Variants in ZBBX observed in about 807,000 individuals in gnomAD.
ZBBX encodes zinc finger B-box domain-containing protein 1.
A neutral mutation model predicts 108.5 loss-of-function variants in ZBBX; 101 were observed. The ratio of observed to expected loss-of-function variants is 0.93; its 90% CI spans 0.79 to 1.10. The LOEUF (loss-of-function observed/expected upper bound fraction) is 1.10. Ranked by LOEUF, ZBBX falls within the 50% of genes least tolerant of loss-of-function variation. The pLI is 0.00. For missense variants in ZBBX, 1,009 were observed against 941.4 expected, an observed-to-expected ratio of 1.07 and a Z score of -0.94; for synonymous variants, 356 against 323.4, an observed-to-expected ratio of 1.10 and a Z score of -1.08.
intron 8 of ZBBX, among the ~76,000 whole-genome samples, chr3:167,351,820 A>T (rs921436085): frequency 1.3e-5 from 2 of 152,142 alleles, no homozygotes; most frequent in African/African-American, 4.8e-5. Flanking sequence ...GGGTGTTCTC[A>T]TGCTCTGCCA....
chr3:167,394,608 T>C (rs988581778), intron 1 of ZBBX, among the ~76,000 whole-genome samples: 25 of 151,928 alleles, frequency 1.6e-4, no homozygotes, highest in African/African-American at 6.0e-4. Flanking sequence ...TTCCAAATCC[T>C]CTGAGACAAA....
intron 20 of ZBBX, among the ~76,000 whole-genome samples, chr3:167,262,933 G>A (rs1302134104): frequency 7.3e-5 from 11 of 150,038 alleles, no homozygotes; most frequent in Admixed American, 5.3e-4. Flanking sequence ...TTGATCTTTT[G>A]TGTTGTTTTC....
At chr3:167,319,460 C>G (rs1273257850) in intron 12 of ZBBX, among the ~76,000 whole-genome samples, 1 of 151,962 alleles carries the variant, frequency 6.6e-6, no homozygotes, top group Non-Finnish European at 1.5e-5. Context: ...TGACTTTATG[C>G]ATTGCTAAAA....
At chr3:167,263,254 G>A (rs1386904347) in intron 20 of ZBBX, among the ~76,000 whole-genome samples, 1 of 151,970 alleles carries the variant, frequency 6.6e-6, no homozygotes, top group Non-Finnish European at 1.5e-5. Flanking sequence ...GCCTCCCAAA[G>A]TGCTGGGATT....
At chr3:167,269,706 C>T (rs116424965) in intron 20 of ZBBX, among the ~76,000 whole-genome samples, 2,126 of 152,280 alleles carry the variant, frequency 0.014, 26 homozygotes, top group South Asian at 0.026. Flanking sequence ...CCCAATACTG[C>T]CCGTCAAGAA....
rs745335659 is a variant in ZBBX, at chr3:167,282,248, T to C, written c.2244A>G (p.Arg748=). Reference sequence around the variant, plus strand: ...AAAAAATAGGATTACCTGCAAGAGATCTCAGCACTTGTAATTCTTTTTCCA... The same window carrying C: ...AAAAAATAGGATTACCTGCAAGAGACCTCAGCACTTGTAATTCTTTTTCCA... ...DNLEKELQVL[R]SLADTSEKLY... The change falls in exon 20 of 22, where the codon AGA becomes AGG. Residue 748 remains arginine (R), a synonymous_variant. Coordinates refer to ENST00000675490, the MANE Select transcript of ZBBX (RefSeq NM_001199201.2). 1 of 1,611,248 alleles carries C rather than the reference T, an allele frequency of 6.2e-7. No individual in the cohort carries two copies. Among genetic ancestry groups the C allele is most frequent in the Non-Finnish European group, 8.5e-7 (1 of 1,178,966 alleles).
intron 17 of ZBBX, among the ~76,000 whole-genome samples, chr3:167,299,629 T>C (rs889120198): frequency 2.0e-5 from 3 of 152,276 alleles, no homozygotes; most frequent in Non-Finnish European, 4.4e-5. Flanking sequence ...TTTTCCTAAC[T>C]ACTGCCCTAC....
chr3:167,199,630 T>G, the ZBBX span, among the ~76,000 whole-genome samples: 4 of 152,180 alleles, frequency 2.6e-5, no homozygotes, highest in Admixed American at 2.6e-4. Flanking sequence ...TTGTTTAATG[T>G]AGGATTCTCT....
At chr3:167,367,370 A>T (rs1225878809) in intron 5 of ZBBX, among the ~76,000 whole-genome samples, 1 of 151,926 alleles carries the variant, frequency 6.6e-6, no homozygotes. Flanking sequence ...AAGCATGTTC[A>T]TGGCAGCATT....
In ZBBX at chr3:167,379,271, C is replaced by T. The variant is rs142772970; in HGVS notation, c.-132+367G>A. Reference sequence around the variant, plus strand: ...GTTAAGCACTGAGGATCAAGGTCAACCAGACAGGTATAATACCAGTCTTCA... The same window carrying T: ...GTTAAGCACTGAGGATCAAGGTCAATCAGACAGGTATAATACCAGTCTTCA... On this transcript the variant is annotated intron_variant, in intron 2 of 21. Transcript: ENST00000675490. Among the ~76,000 whole-genome samples, 633 of 152,212 alleles carry T rather than the reference C, an allele frequency of 4.2e-3. 4 individuals carry two copies. Among genetic ancestry groups the T allele is most frequent in the African/African-American group, 0.013 (559 of 41,520 alleles).
chr3:167,237,541 C>T (rs1271723968), downstream of ZBBX, among the ~76,000 whole-genome samples: 1 of 151,846 alleles, frequency 6.6e-6, no homozygotes, highest in East Asian at 1.9e-4. Flanking sequence ...TCCGTAGCAG[C>T]AATTTTAAGC....
chr3:167,351,495 G>C (rs951268717), intron 8 of ZBBX, among the ~76,000 whole-genome samples: 1 of 152,108 alleles, frequency 6.6e-6, no homozygotes, highest in African/African-American at 2.4e-5. Context: ...CTTCCTGCTT[G>C]GGGTCACTGG....
chr3:167,242,993 A>G (rs1486684786), intron 20 of ZBBX, among the ~76,000 whole-genome samples: 1 of 152,124 alleles, frequency 6.6e-6, no homozygotes, highest in Non-Finnish European at 1.5e-5. Context: ...ACATTTTGTT[A>G]TCTTTTTTCT....
At position 167,347,975 on chromosome 3, in the gene ZBBX, T is replaced by C. The variant is rs562357887; in HGVS notation, c.528+2445A>G. Among the ~76,000 whole-genome samples the C allele has an allele frequency of 5.3e-5, 8 of 152,154 alleles. No homozygotes were observed. In the East Asian group the frequency reaches 9.7e-4, roughly 18 times the overall value. Reference sequence around the variant, plus strand: ...CATAGTTCCTTGCCAAGCTCTTTGATTTGTGTACATATTATGTAATCCATG... The same window carrying C: ...CATAGTTCCTTGCCAAGCTCTTTGACTTGTGTACATATTATGTAATCCATG... On this transcript the variant is annotated intron_variant, in intron 9 of 21. Coordinates refer to ENST00000675490, the MANE Select transcript of ZBBX (RefSeq NM_001199201.2).
intron 9 of ZBBX, among the ~76,000 whole-genome samples, chr3:167,349,407 T>C (rs1187413653): frequency 6.6e-6 from 1 of 152,090 alleles, no homozygotes; most frequent in Admixed American, 6.6e-5. Context: ...GGTTGGTTTT[T>C]GTTTTTTTCT....
chr3:167,368,755 A>C, intron 4 of ZBBX, 181 bp from the exon 5 acceptor site: 1 of 1,258,526 alleles, frequency 7.9e-7, no homozygotes, highest in Non-Finnish European at 9.9e-7. Flanking sequence ...CAAAATCCTG[A>C]AGCAAATTAT....
upstream of ZBBX, among the ~76,000 whole-genome samples, chr3:167,383,420 A>G (rs1747809517): frequency 6.6e-6 from 1 of 152,130 alleles, no homozygotes; most frequent in Non-Finnish European, 1.5e-5. Context: ...ACAACATAAA[A>G]TTACAAAAAA....
rs183577361 is a variant in ZBBX at position 167,272,244 on chromosome 3, C to G, written c.2254+9994G>C. On this transcript the variant is annotated intron_variant, in intron 20 of 21. Transcript: ENST00000675490. Reference sequence around the variant, plus strand: ...CCTATTTACACTCCACTACCTATATCCCTACGTTTGAGACAAAAGATCAAT... The same window carrying G: ...CCTATTTACACTCCACTACCTATATGCCTACGTTTGAGACAAAAGATCAAT... Among the ~76,000 whole-genome samples, 436 of 152,264 alleles carry G rather than the reference C, an allele frequency of 2.9e-3. 4 individuals carry two copies. The highest frequency in any genetic ancestry group is 4.7e-3 in the Non-Finnish European group (321 of 68,032).
intron 9 of ZBBX, among the ~76,000 whole-genome samples, chr3:167,336,028 A>C (rs1472681923): frequency 6.6e-6 from 1 of 152,082 alleles, no homozygotes. Flanking sequence ...TCCTAGAATA[A>C]AGGTCTGTAG....
Sources: allele counts gnomAD v4.1 joint callset (sites outside exome capture counted in the v4.1 genomes callset), GRCh38; gene constraint gnomAD v4.1.1; transcripts MANE v1.5; gene names NCBI Gene and HGNC (gene_info 2026-07-23, HGNC 2026-07-21).